Variants in UPP2 observed in about 807,000 individuals in gnomAD.
UPP2 encodes UPase 2.
A neutral mutation model predicts 26.7 loss-of-function variants in UPP2; 23 were observed. The ratio of observed to expected loss-of-function variants is 0.86; its 90% CI spans 0.62 to 1.22. The LOEUF is 1.22. Ranked by LOEUF, UPP2 falls within the 50% of genes most tolerant of loss-of-function variation. The pLI, the probability that UPP2 is intolerant of heterozygous loss-of-function variation, is 0.00. For missense variants in UPP2, 387 were observed against 396.7 expected (o/e 0.98, Z 0.21); for synonymous variants, 127 against 141.3 (o/e 0.90, Z 0.72).
At chr2:158,124,565 A>G (rs1574309386) in intron 6 of UPP2, among the ~76,000 whole-genome samples, 1 of 152,234 alleles carries the variant, frequency 6.6e-6, no homozygotes, top group South Asian at 2.1e-4. Context: ...GTGGCGGCTC[A>G]GCTGGGAAGA....
At chr2:158,006,275 C>A (rs1302402131) in intron 2 of UPP2, among the ~76,000 whole-genome samples, 5 of 152,086 alleles carry the variant, frequency 3.3e-5, no homozygotes, top group African/African-American at 1.2e-4. Flanking sequence ...CTGGCTAACA[C>A]GGTGAAACCC....
At chr2:158,031,638 A>G (rs577649623) in intron 3 of UPP2, among the ~76,000 whole-genome samples, 5 of 152,318 alleles carry the variant, frequency 3.3e-5, no homozygotes, top group African/African-American at 1.2e-4. Context: ...GGCCATAGTT[A>G]TCTTTCCAGT....
At chr2:158,125,367 C>T (rs1295127899) in intron 6 of UPP2, among the ~76,000 whole-genome samples, 1 of 151,218 alleles carries the variant, frequency 6.6e-6, no homozygotes, top group Non-Finnish European at 1.5e-5. Flanking sequence ...AATATATGTA[C>T]GTGTAAATTA....
chr2:158,010,522 C>G (rs1490596609), intron 2 of UPP2, among the ~76,000 whole-genome samples: 1 of 152,106 alleles, frequency 6.6e-6, no homozygotes, highest in Non-Finnish European at 1.5e-5. Context: ...TTCACAGTTA[C>G]GGGCATAAGT....
At chr2:158,100,608 A>G (rs1683059635), upstream of UPP2, among the ~76,000 whole-genome samples, 1 of 152,230 alleles carries the variant, frequency 6.6e-6, no homozygotes, top group African/African-American at 2.4e-5. Context: ...GACCAGCCTG[A>G]GATGAGTCAG....
chr2:158,088,637 AG>A (rs1682857029), intron 3 of UPP2, among the ~76,000 whole-genome samples: 2 of 152,146 alleles, frequency 1.3e-5, no homozygotes, highest in African/African-American at 2.4e-5. Flanking sequence ...CTTGGGCTCA[AG>A]GGCTGCTGTT....
chr2:158,003,287 T>A (rs1683438232), intron 2 of UPP2, among the ~76,000 whole-genome samples: 1 of 151,932 alleles, frequency 6.6e-6, no homozygotes, highest in Non-Finnish European at 1.5e-5. Flanking sequence ...TGGAGACCAG[T>A]GGGAGGAGGA....
Position 158,135,037 on chromosome 2 carries a change from A to C in UPP2, c.*147A>C. On this transcript the variant is annotated 3_prime_UTR_variant, in exon 7 of 7. Transcript: ENST00000005756. ...TTTATGAAATCCTTCTCTCTTAAAA[A>C]GGAATTTATTGTAAAAGAATACTCA... 1 of 988,388 alleles carries C rather than the reference A, an allele frequency of 1.0e-6. No homozygotes were observed. Among genetic ancestry groups the C allele is most frequent in the Non-Finnish European group, 1.4e-6 (1 of 731,582 alleles). 61.2% of individuals were successfully genotyped at this position (988,388 alleles called of 1,614,324 possible).
chr2:158,066,375 T>G (rs1310674433), intron 3 of UPP2, among the ~76,000 whole-genome samples: 26 of 152,240 alleles, frequency 1.7e-4, no homozygotes, highest in Admixed American at 1.7e-3. Context: ...TTAAATCTAT[T>G]TGCTTGCCAG....
chr2:158,077,064 T>C (rs1310903661), intron 3 of UPP2, among the ~76,000 whole-genome samples: 2 of 151,876 alleles, frequency 1.3e-5, no homozygotes, highest in East Asian at 3.8e-4. Flanking sequence ...GTAATCTTAT[T>C]TACAACAGCC....
At chr2:158,013,718 G>A (rs1683614943) in intron 2 of UPP2, among the ~76,000 whole-genome samples, 1 of 152,196 alleles carries the variant, frequency 6.6e-6, no homozygotes, top group Non-Finnish European at 1.5e-5. Context: ...AGAAGGAGAA[G>A]GGCGAGGCAC....
At chr2:158,109,912 A>G (rs563344384) in intron 2 of UPP2, among the ~76,000 whole-genome samples, 1 of 152,316 alleles carries the variant, frequency 6.6e-6, no homozygotes, top group South Asian at 2.1e-4. Context: ...GTTTGAACTG[A>G]GGAAAAATGA....
chr2:158,107,507 C>A (rs1006898679), intron 2 of UPP2, among the ~76,000 whole-genome samples: 1 of 151,990 alleles, frequency 6.6e-6, no homozygotes, highest in African/African-American at 2.4e-5. Flanking sequence ...CTAGGAGGAC[C>A]CTTTGAGTCA....
chr2:158,019,701 A>G (rs1342474293), intron 3 of UPP2, among the ~76,000 whole-genome samples: 1 of 151,898 alleles, frequency 6.6e-6, no homozygotes, highest in African/African-American at 2.4e-5. Context: ...AAAGACAGAG[A>G]GAGAGAGAGA....
At chr2:158,067,384 A>AAG (rs1253618452) in intron 3 of UPP2, among the ~76,000 whole-genome samples, 2 of 148,570 alleles carry the variant, frequency 1.3e-5, no homozygotes, top group Admixed American at 6.7e-5. Flanking sequence ...AAAAAAAAAA[A>AAG]AGAGAGAGAG....
At chr2:158,105,470 T>A (rs181263830) in intron 1 of UPP2, among the ~76,000 whole-genome samples, 3 of 152,306 alleles carry the variant, frequency 2.0e-5, no homozygotes, top group Non-Finnish European at 4.4e-5. Context: ...TCAGGACCAA[T>A]GAGGAGCTTG....
chr2:158,076,361 A>C (rs1333150649), intron 3 of UPP2, among the ~76,000 whole-genome samples: 1 of 152,050 alleles, frequency 6.6e-6, no homozygotes, highest in Non-Finnish European at 1.5e-5. Context: ...AGACAAAGAC[A>C]CATCTAAAAA....
chr2:158,103,097 A>G (rs1443612384), intron 1 of UPP2, among the ~76,000 whole-genome samples: 1 of 152,222 alleles, frequency 6.6e-6, no homozygotes, highest in African/African-American at 2.4e-5. Flanking sequence ...TGGAAAAATC[A>G]AATATTCCAA....
intron 3 of UPP2, among the ~76,000 whole-genome samples, chr2:158,063,563 T>C (rs1305736691): frequency 6.6e-6 from 1 of 151,400 alleles, no homozygotes. Context: ...CACTGCTGCC[T>C]GGGGACCAGC....
Sources: gnomAD v4.1 joint callset for allele counts (sites outside exome capture counted in the v4.1 genomes callset) on GRCh38, gnomAD v4.1.1 for gene constraint, MANE v1.5 for transcripts, NCBI Gene and HGNC (gene_info 2026-07-23, HGNC 2026-07-21) for gene names.